Variants in DENND4B observed in about 807,000 individuals in gnomAD.
DENND4B encodes the protein DENN domain-containing protein 4B.
Under a neutral mutation model 161.0 loss-of-function variants are expected in DENND4B, and 67 were observed. That is an observed-to-expected ratio of 0.42 (90% confidence interval 0.34 to 0.51). The LOEUF (loss-of-function observed/expected upper bound fraction) is 0.51, where lower values mean the gene tolerates loss of function less well. Among genes scored for constraint, DENND4B ranks in the 20% least tolerant of loss-of-function variants. DENND4B has a pLI of 0.08. For synonymous variants in DENND4B, 753 were observed against 813.8 expected (o/e 0.93, Z 1.27); for missense variants, 1,481 against 1,968.0 (o/e 0.75, Z 4.68).
At position 153,933,590 on chromosome 1, in the gene DENND4B, G is replaced by A. The variant is rs768543038; in HGVS notation, c.3223C>T (p.Arg1075Cys). Residue 1075 changes from arginine (R) to cysteine (C), a missense_variant, in exon 20 of 28, where the codon CGC becomes TGC. Arg to Cys is a radical substitution (Grantham distance 180, BLOSUM62 -3). This residue lies in a region of DENND4B where 339 missense variants were observed against 330.3 expected (regional missense o/e 1.03). Coordinates refer to ENST00000361217, the MANE Select transcript of DENND4B (RefSeq NM_014856.3). This position sits in a 1 kb window ranked among gnomAD's most constrained non-coding sequence, Gnocchi z 5.7. ...LTPSRHSPAS[R>C]IPPPELPPDL... is the part of the protein sequence containing the mutation. Reference sequence around the variant, plus strand: ...GGAGGCAGCTCAGGTGGGGGAATGCGGGAGGCAGGGGAGTGGCGGGAAGGA... The same window carrying A: ...GGAGGCAGCTCAGGTGGGGGAATGCAGGAGGCAGGGGAGTGGCGGGAAGGA... 2.3e-5 allele frequency: 36 copies of A among 1,566,008 alleles called. No individual in the cohort carries two copies. The highest frequency in any genetic ancestry group is 2.7e-5 in the African/African-American group (2 of 72,858).
At position 153,934,455 on chromosome 1, in the gene DENND4B, G is replaced by GT. The variant is rs1014482355; in HGVS notation, c.2774-154dup. Among the ~76,000 whole-genome samples, 22 of 152,050 alleles carry GT rather than the reference G, an allele frequency of 1.4e-4. No individual in the cohort carries two copies. The highest frequency in any genetic ancestry group is 4.8e-4 in the African/African-American group (20 of 41,406). ...TTTGTTTGTTTGTTTGTTTTGTTTT[G>GT]TTTTTTGAGATGGAGTCTTGCTCTG... is the stretch of plus-strand genomic sequence containing the variant. On this transcript the variant is annotated intron_variant, in intron 18 of 27. Coordinates refer to ENST00000361217, the MANE Select transcript of DENND4B (RefSeq NM_014856.3). The surrounding 1 kb of genome is among the most constrained non-coding windows in gnomAD (Gnocchi z 5.3).
At chr1:153,943,942 G>A (rs1040254909) in intron 2 of DENND4B, 116 bp downstream of exon 2, 6 of 1,195,252 alleles carry the variant, frequency 5.0e-6, no homozygotes, top group Non-Finnish European at 6.8e-6. Flanking sequence ...CCTGGCCCCT[G>A]GCCCACCAGG....
rs1340108849 is a variant in DENND4B, at chr1:153,945,156, G to A, written c.-23-759C>T. ...TCACCTGCCTCCATGGCCCAACCCC[G>A]GGGAGTAGGAGCCCCAAGGGTCCTG... On this transcript the variant is annotated intron_variant, in intron 1 of 27. Transcript: ENST00000361217. 11 of 1,289,482 alleles carry A rather than the reference G, an allele frequency of 8.5e-6. 1 individual carries two copies. The highest frequency in any genetic ancestry group is 5.6e-5 in the East Asian group (1 of 18,018). The allele number at this position is 1,289,482 out of a possible 1,614,324, so 79.9% of individuals were successfully genotyped here. A position where few individuals can be genotyped will look rare whatever the true frequency, so the allele number is the denominator to read the frequency against.
In DENND4B at chr1:153,944,147, G is replaced by A; in HGVS notation, c.228C>T (p.Pro76=). 1.2e-6 allele frequency: 2 copies of A among 1,613,026 alleles called. No individual in the cohort carries two copies. Among genetic ancestry groups the A allele is most frequent in the Non-Finnish European group, 1.7e-6 (2 of 1,179,468 alleles). The part of the protein sequence containing the change: ...TCIQASAGGH[P]LELSAGLLGG... The stretch of plus-strand genomic sequence containing the variant: ...CCAGAAGTCCAGCACTGAGTTCCAA[G>A]GGGTGGCCCCCAGCAGAAGCCTGGA... Residue 76 remains proline, a synonymous_variant, in exon 2 of 28, where the codon CCC becomes CCT. Transcript: ENST00000361217. The surrounding 1 kb of genome is among the most constrained non-coding windows in gnomAD (Gnocchi z 4.8).
rs780379512 is a variant in DENND4B, at chr1:153,939,683, G to A, written c.1725C>T (p.Ala575=). ...AGACCCGGTAGCCCTTGAGCAGACA[G>A]GCCATGAAGCGGAGGAAGGCTCCTT... ...EVQGAFLRFM[A]CLLKGYRVFL... is the part of the protein sequence containing the mutation. The change falls in exon 12 of 28, where the codon GCC becomes GCT. Residue 575 remains alanine (A), a synonymous_variant. Coordinates refer to ENST00000361217, the MANE Select transcript of DENND4B (RefSeq NM_014856.3). 6 of 1,613,992 alleles carry A rather than the reference G, an allele frequency of 3.7e-6. No individual in the cohort carries two copies. Among genetic ancestry groups the A allele is most frequent in the Non-Finnish European group, 4.2e-6 (5 of 1,179,900 alleles).
chr1:153,940,801 G>A lies in DENND4B; in HGVS notation c.1326+103C>T, dbSNP rs1266017272. 5 of 1,470,518 alleles carry A rather than the reference G, an allele frequency of 3.4e-6. No homozygotes were observed. Among genetic ancestry groups the A allele is most frequent in the Non-Finnish European group, 4.5e-6 (5 of 1,109,314 alleles). The allele number at this position is 1,470,518 out of a possible 1,614,324, so 91.1% of individuals were successfully genotyped here. A position where few individuals can be genotyped will look rare whatever the true frequency, so the allele number is the denominator to read the frequency against. On this transcript the variant is annotated intron_variant, in intron 9 of 27. Transcript: ENST00000361217. The surrounding 1 kb of genome is among the most constrained non-coding windows in gnomAD (Gnocchi z 5.6). The stretch of plus-strand genomic sequence containing the variant: ...GGCTGTGCCCAGGGAAAGGGGCTGA[G>A]GATCCTCCACAAGGAAGGAAAAGGG...
Position 153,932,588 on chromosome 1 carries a change from G to GC in DENND4B, c.3759+53dup, listed in dbSNP as rs1679022973. Reference sequence around the variant, plus strand: ...CCCATCTCTCCCTGGCACCCCACAGGCCCCACACAGGGCAACATTCCCGTT... The same window carrying GC: ...CCCATCTCTCCCTGGCACCCCACAGGCCCCCACACAGGGCAACATTCCCGTT... On this transcript the variant is annotated intron_variant, in intron 23 of 27. Transcript: ENST00000361217. This position sits in a 1 kb window ranked among gnomAD's most constrained non-coding sequence, Gnocchi z 5.8. 2.5e-6 allele frequency: 4 copies of GC among 1,585,862 alleles called. No individual in the cohort carries two copies. The highest frequency in any genetic ancestry group is 3.4e-6 in the Non-Finnish European group (4 of 1,163,640).
rs539402734 is a variant in DENND4B, at chr1:153,946,273, C to G, written c.-24+28G>C. On this transcript the variant is annotated intron_variant, in intron 1 of 27. Transcript: ENST00000361217. The surrounding 1 kb of genome is among the most constrained non-coding windows in gnomAD (Gnocchi z 6.3). ...CTCCCTCCTGCCCGTCCCCGCCTGC[C>G]GCCCAGCCCGGTCCAGCCCCTACCT... The G allele has an allele frequency of 9.6e-4, 329 of 344,482 alleles. 2 individuals carry two copies. The highest frequency in any genetic ancestry group is 6.4e-3 in the African/African-American group (296 of 46,550). 21.3% of individuals were successfully genotyped at this position (344,482 alleles called of 1,614,324 possible). A position where few individuals can be genotyped will look rare whatever the true frequency, so the allele number is the denominator to read the frequency against.
rs1211842527 is a variant in DENND4B at position 153,944,272 on chromosome 1, T to C, written c.103A>G (p.Ser35Gly). ...GGCCGGGGAGGGCGCAGGGGCCCAC[T>C]GGGTTCAGGAACCCACGTTTCCTCA... ...IPEETWVPEP[S>G]GPLRPPRPAE... Residue 35 changes from serine (S) to glycine (G), a missense_variant, in exon 2 of 28, where the codon AGT becomes GGT. By Grantham distance (56) the Ser-to-Gly change is moderately conservative (BLOSUM62 0). Around this residue, in one of 3 missense-constraint regions of DENND4B, gnomAD observed 806 missense variants for 1,134.4 expected, o/e 0.71. Transcript: ENST00000361217. The surrounding 1 kb of genome is among the most constrained non-coding windows in gnomAD (Gnocchi z 4.8). 6.2e-7 allele frequency: 1 copy of C among 1,602,556 alleles called. No individual in the cohort carries two copies. The highest frequency in any genetic ancestry group is 2.3e-5 in the East Asian group (1 of 44,430).
chr1:153,942,480 T>A lies in DENND4B; in HGVS notation c.640+76A>T. On this transcript the variant is annotated intron_variant, in intron 4 of 27. Transcript: ENST00000361217. This position sits in a 1 kb window ranked among gnomAD's most constrained non-coding sequence, Gnocchi z 6.9. The stretch of plus-strand genomic sequence containing the variant: ...AAGAGAAAGTAAACTCTGGGGACAC[T>A]TAAGGTGCCTGCCAAGAGGCACCAG... The A allele has an allele frequency of 6.4e-7, 1 of 1,563,290 alleles. No individual in the cohort carries two copies. The highest frequency in any genetic ancestry group is 8.7e-7 in the Non-Finnish European group (1 of 1,152,988).
intron 24 of DENND4B, among the ~76,000 whole-genome samples, 152 bp from the exon 25 acceptor site, chr1:153,931,216 A>G (rs1272685523): frequency 6.6e-6 from 1 of 152,226 alleles, no homozygotes; most frequent in Non-Finnish European, 1.5e-5. Context: ...ACAAGAATGT[A>G]AGCTCTTGAG....
chr1:153,935,562 G>A (rs1679285133), intron 17 of DENND4B, among the ~76,000 whole-genome samples: 1 of 152,142 alleles, frequency 6.6e-6, no homozygotes, highest in South Asian at 2.1e-4. Flanking sequence ...GGCCAGGCTG[G>A]TCTCGAACTC....
chr1:153,936,793 C>G lies in DENND4B; in HGVS notation c.2233-45G>C. ...CATCAGGGTGAGTACAATGCCAGGT[C>G]TTTCTTACTTATCTATTTATTTATT... On this transcript the variant is annotated intron_variant, in intron 15 of 27. Transcript: ENST00000361217. The surrounding 1 kb of genome is among the most constrained non-coding windows in gnomAD (Gnocchi z 4.1). The G allele has an allele frequency of 7.0e-7, 1 of 1,432,980 alleles. No homozygotes were observed. Among genetic ancestry groups the G allele is most frequent in the Non-Finnish European group, 9.3e-7 (1 of 1,079,594 alleles). 88.8% of individuals were successfully genotyped at this position (1,432,980 alleles called of 1,614,324 possible). A position where few individuals can be genotyped will look rare whatever the true frequency, so the allele number is the denominator to read the frequency against.
intron 24 of DENND4B, among the ~76,000 whole-genome samples, chr1:153,931,537 G>T (rs1451797324): frequency 7.0e-6 from 1 of 142,934 alleles, no homozygotes; most frequent in African/African-American, 2.6e-5. Context: ...TCGCTCTGTC[G>T]TCCAGGCTGG....
At chr1:153,941,327 G>A in intron 7 of DENND4B, 38 bp from the exon 8 acceptor site, 2 of 1,613,608 alleles carry the variant, frequency 1.2e-6, no homozygotes, top group Non-Finnish European at 1.7e-6. Context: ...GGGTAATGAT[G>A]CCAACTCCCC....
chr1:153,935,836 A>C (rs1269012448), intron 17 of DENND4B: 4 of 529,568 alleles, frequency 7.6e-6, no homozygotes, highest in African/African-American at 3.8e-5. Flanking sequence ...AGCGGCTGAC[A>C]CTATTAGTTG....
intron 13 of DENND4B, among the ~76,000 whole-genome samples, chr1:153,938,431 G>A (rs906833181): frequency 1.4e-5 from 2 of 146,502 alleles, no homozygotes; most frequent in Admixed American, 6.8e-5. Flanking sequence ...AGCCAGGCGC[G>A]GTGGCTAACG....
chr1:153,933,581 G>C lies in DENND4B; in HGVS notation c.3232C>G (p.Pro1078Ala), dbSNP rs200448685. 8 of 1,566,186 alleles carry C rather than the reference G, an allele frequency of 5.1e-6. No individual in the cohort carries two copies. In the Admixed American group the frequency reaches 9.7e-5, roughly 19 times the overall value. Residue 1078 changes from proline (P) to alanine (A), a missense_variant, in exon 20 of 28, where the codon CCA becomes GCA. Coordinates refer to ENST00000361217, the MANE Select transcript of DENND4B (RefSeq NM_014856.3). This position sits in a 1 kb window ranked among gnomAD's most constrained non-coding sequence, Gnocchi z 5.7. ...SRHSPASRIP[P>A]PELPPDLPPP... ...GGCAGGTCAGGAGGCAGCTCAGGTG[G>C]GGGAATGCGGGAGGCAGGGGAGTGG... is the stretch of plus-strand genomic sequence containing the variant.
chr1:153,943,151 T>G, intron 2 of DENND4B, 21 bp from the exon 3 acceptor site: 1 of 1,601,638 alleles, frequency 6.2e-7, no homozygotes, highest in Non-Finnish European at 8.5e-7. Flanking sequence ...AGAGCAAAGA[T>G]AGATGTTGAG....
Sources: allele counts gnomAD v4.1 joint callset (sites outside exome capture counted in the v4.1 genomes callset), GRCh38; gene constraint gnomAD v4.1.1; regional missense constraint gnomAD v4.1.1; non-coding constraint Gnocchi (gnomAD v3.1); transcripts MANE v1.5; gene names NCBI Gene and HGNC (gene_info 2026-07-23, HGNC 2026-07-21).